GHRL: variants seen among roughly 807,000 people sequenced by gnomAD.
GHRL encodes the protein ghrelin and obestatin prepropeptide.
In GHRL, 24 loss-of-function variants were observed where a neutral mutation model predicts 16.9. The ratio of observed to expected loss-of-function variants is 1.42; its 90% confidence interval spans 1.03 to 2.00. The LOEUF is 2.00. GHRL is among the 30% of genes most tolerant of loss of function. The pLI is 0.00. For missense variants in GHRL, 193 were observed against 142.1 expected (o/e 1.36, Z -1.82); for synonymous variants, 63 against 58.2 (o/e 1.08, Z -0.37).
At chr3:10,286,642 A>T (rs1699112904) in intron 5 of GHRL, 62 bp downstream of exon 5, 1 of 853,288 alleles carries the variant, frequency 1.2e-6, no homozygotes, top group Non-Finnish European at 2.0e-6. Context: ...CATCACCCAC[A>T]GAGTGAACTC....
Position 10,286,775 on chromosome 3 carries a change from CCT to C in GHRL, c.261_262del (p.Val89SerfsTer73), listed in dbSNP as rs1699142903. 6.2e-7 allele frequency: 1 copy of C among 1,613,266 alleles called. No individual in the cohort carries two copies. The highest frequency in any genetic ancestry group is 8.5e-7 in the Non-Finnish European group (1 of 1,179,212). ...CTGGCTGTGCTGCTGGTACTGAACC[CCT>C]GACAGCTTGATTCCAACATCAAAGG... On this transcript the variant is annotated frameshift_variant, in exon 5 of 6. Transcript: ENST00000335542. LOFTEE classifies it high-confidence loss of function.
chr3:10,290,013 G>GA, intron 3 of GHRL, 60 bp downstream of exon 3: 1 of 1,591,472 alleles, frequency 6.3e-7, no homozygotes, highest in South Asian at 1.1e-5. Flanking sequence ...CCAGGTCACA[G>GA]AGCTGGTTGC....
chr3:10,288,403 A>C (rs949931598), intron 4 of GHRL, among the ~76,000 whole-genome samples: 1 of 152,186 alleles, frequency 6.6e-6, no homozygotes, highest in Non-Finnish European at 1.5e-5. Context: ...AGTGTGGGTC[A>C]CATGCTCCAA....
rs61084491 is a variant in GHRL, at chr3:10,292,794, C to A, written c.-766+48G>T. The A allele has an allele frequency of 6.1e-4, 703 of 1,149,020 alleles. 7 individuals carry two copies. In the African/African-American group the frequency reaches 9.8e-3, roughly 16 times the overall value. 71.2% of individuals were successfully genotyped at this position (1,149,020 alleles called of 1,614,324 possible). ...AAAAAAATCCCCAAACAGAAAAATCCTAACTGTGGTGACCAGGTACCTCCT... is the reference window on the plus strand; with the variant it reads ...AAAAAAATCCCCAAACAGAAAAATCATAACTGTGGTGACCAGGTACCTCCT... On this transcript the variant is annotated intron_variant, in intron 1 of 5. Coordinates refer to ENST00000335542, the MANE Select transcript of GHRL (RefSeq NM_016362.5).
rs1699998956 is a variant in GHRL at position 10,291,427 on chromosome 3, C to G, written c.-741G>C. 1 of 985,552 alleles carries G rather than the reference C, an allele frequency of 1.0e-6. No homozygotes were observed. The highest frequency in any genetic ancestry group is 1.2e-6 in the Non-Finnish European group (1 of 830,012). 61.1% of individuals were successfully genotyped at this position (985,552 alleles called of 1,614,324 possible). On this transcript the variant is annotated 5_prime_UTR_variant, in exon 2 of 6. Coordinates refer to ENST00000335542, the MANE Select transcript of GHRL (RefSeq NM_016362.5). ...TTGGTCCCTATTTTAGCGGATGCCT[C>G]TTCTGAGAGGGAAGTGCATTGGACC... is the stretch of plus-strand genomic sequence containing the variant.
intron 4 of GHRL, chr3:10,287,029 T>C: frequency 2.1e-6 from 1 of 478,078 alleles, no homozygotes; most frequent in Non-Finnish European, 3.8e-6. Flanking sequence ...GACACTTACC[T>C]TGCACTCTCA....
chr3:10,290,282 C>T, intron 2 of GHRL, 73 bp from the exon 3 acceptor site: 3 of 1,446,232 alleles, frequency 2.1e-6, no homozygotes, highest in Non-Finnish European at 1.9e-6. Flanking sequence ...GGTAGGAGCC[C>T]AGCAGATGGC....
Position 10,290,229 on chromosome 3 carries a change from C to A in GHRL, c.-29-20G>T. ...GTGGGCCTGGGGGAGAGAGGGTCTC[C>A]AGGCAGCTGCCTCCCCTTCTCATGT... is the stretch of plus-strand genomic sequence containing the variant. On this transcript the variant is annotated intron_variant, in intron 2 of 5. Coordinates refer to ENST00000335542, the MANE Select transcript of GHRL (RefSeq NM_016362.5). 1 of 1,574,216 alleles carries A rather than the reference C, an allele frequency of 6.4e-7. No individual in the cohort carries two copies. Among genetic ancestry groups the A allele is most frequent in the Non-Finnish European group, 8.6e-7 (1 of 1,160,692 alleles).
At chr3:10,291,498 A>T in intron 1 of GHRL, 47 bp from the exon 2 acceptor site, 1 of 979,964 alleles carries the variant, frequency 1.0e-6, no homozygotes, top group Non-Finnish European at 1.2e-6. Context: ...CTCCTCTCTC[A>T]TTGACTGGCC....
At chr3:10,291,629 C>A (rs1489275436) in intron 1 of GHRL, among the ~76,000 whole-genome samples, 178 bp from the exon 2 acceptor site, 2 of 152,222 alleles carry the variant, frequency 1.3e-5, no homozygotes, top group Non-Finnish European at 1.5e-5. Flanking sequence ...TCATACCAGG[C>A]CCATAGGACT....
chr3:10,290,215 GGA>G lies in GHRL; in HGVS notation c.-29-8_-29-7del, dbSNP rs1699773858. 1.9e-6 allele frequency: 3 copies of G among 1,590,212 alleles called. No homozygotes were observed. Among genetic ancestry groups the G allele is most frequent in the Admixed American group, 1.8e-5 (1 of 55,142 alleles). On this transcript the variant is annotated splice_polypyrimidine_tract_variant and splice_region_variant and intron_variant, in intron 2 of 5. Coordinates refer to ENST00000335542, the MANE Select transcript of GHRL (RefSeq NM_016362.5). ...TGGGTTGCAGACAGGTGGGCCTGGGGGAGAGAGGGTCTCCAGGCAGCTGCCTC... is the reference window on the plus strand; with the variant it reads ...TGGGTTGCAGACAGGTGGGCCTGGGGGAGAGGGTCTCCAGGCAGCTGCCTC...
At chr3:10,288,782 G>T (rs575703765) in intron 4 of GHRL, among the ~76,000 whole-genome samples, 26 of 152,334 alleles carry the variant, frequency 1.7e-4, no homozygotes, top group South Asian at 1.2e-3. Context: ...GGAAGGAAGA[G>T]GCCTCCCCTG....
At chr3:10,288,367 G>A (rs549318565) in intron 4 of GHRL, among the ~76,000 whole-genome samples, 3 of 152,294 alleles carry the variant, frequency 2.0e-5, no homozygotes, top group South Asian at 2.1e-4. Flanking sequence ...CCCCCCAGGC[G>A]TTTGACTTCT....
chr3:10,289,792 T>A lies in GHRL; in HGVS notation c.195A>T (p.Ala65=), dbSNP rs1244041202. 3.1e-6 allele frequency: 5 copies of A among 1,612,804 alleles called. No individual in the cohort carries two copies. Among genetic ancestry groups the A allele is most frequent in the Non-Finnish European group, 4.2e-6 (5 of 1,179,192 alleles). ...GWLRPEDGGQ[A]EGAEDELEVR... ...CTTCCAGTTCATCCTCTGCCCCTTC[T>A]GCTTGACCTCCATCTTCCGGGCGGA... The change falls in exon 4 of 6, where the codon GCA becomes GCT. Residue 65 remains alanine, a synonymous_variant. Transcript: ENST00000335542.
intron 4 of GHRL, chr3:10,287,913 A>ATTTTTTTTTTTTTTTTTTTTTTTTTTTTT (rs1576049089): frequency 1.1e-5 from 1 of 87,952 alleles, no homozygotes; most frequent in Non-Finnish European, 2.7e-5. Context: ...GACATGATTG[A>ATTTTTTTTTTTTTTTTTTTTTTTTTTTTT]ATTTTTTTTT....
At chr3:10,289,915 C>T (rs1366967527) in intron 3 of GHRL, 37 bp from the exon 4 acceptor site, 4 of 1,536,122 alleles carry the variant, frequency 2.6e-6, no homozygotes, top group African/African-American at 1.4e-5. Context: ...GACTCTAAGC[C>T]CCCATGTCCT....
intron 1 of GHRL, chr3:10,292,547 T>A (rs887184730): frequency 5.0e-6 from 2 of 403,726 alleles, no homozygotes; most frequent in African/African-American, 4.3e-5. Flanking sequence ...CTCCTGTTGG[T>A]AAACATCTCA....
chr3:10,287,768 G>A (rs2125199882), intron 4 of GHRL, among the ~76,000 whole-genome samples: 1 of 152,252 alleles, frequency 6.6e-6, no homozygotes, highest in South Asian at 2.1e-4. Flanking sequence ...CTCCCTGTGG[G>A]GTAGGCGCTA....
intron 4 of GHRL, 34 bp downstream of exon 4, chr3:10,289,728 T>A (rs201877239): frequency 1.5e-6 from 2 of 1,314,088 alleles, no homozygotes; most frequent in South Asian, 1.2e-5. Context: ...CCCTCCTCGC[T>A]GCCACAGAAG....
Sources: gnomAD v4.1 joint callset for allele counts (sites outside exome capture counted in the v4.1 genomes callset) on GRCh38, gnomAD v4.1.1 for gene constraint, MANE v1.5 for transcripts, NCBI Gene and HGNC (gene_info 2026-07-23, HGNC 2026-07-21) for gene names.